Variants in FSTL4 observed in about 807,000 individuals in gnomAD.
FSTL4 encodes follistatin like 4, also known as follistatin-related protein 4.
A neutral mutation model predicts 78.2 loss-of-function variants in FSTL4; 28 were observed. The ratio of observed to expected loss-of-function variants is 0.36; its 90% CI spans 0.27 to 0.49. The LOEUF is 0.49. Among genes scored for constraint, FSTL4 ranks in the 20% least tolerant of loss-of-function variants. FSTL4 has a pLI of 0.98. For missense variants in FSTL4, 922 were observed against 1,084.9 expected (o/e 0.85, Z 2.11); for synonymous variants, 422 against 440.5 (o/e 0.96, Z 0.53).
At chr5:133,428,414 C>T (rs1756871689) in intron 3 of FSTL4, among the ~76,000 whole-genome samples, 1 of 152,166 alleles carries the variant, frequency 6.6e-6, no homozygotes, top group African/African-American at 2.4e-5. Flanking sequence ...GTAGGGGCTG[C>T]CCAGGGCCTT....
intron 6 of FSTL4, among the ~76,000 whole-genome samples, chr5:133,273,534 T>C (rs920810977): frequency 2.4e-4 from 36 of 152,278 alleles, no homozygotes; most frequent in African/African-American, 8.4e-4. Context: ...CAGGGTTACC[T>C]GGGGGATCTT....
At chr5:133,202,946 G>A (rs1045358893) in intron 14 of FSTL4, among the ~76,000 whole-genome samples, 2 of 152,238 alleles carry the variant, frequency 1.3e-5, no homozygotes, top group Non-Finnish European at 2.9e-5. Flanking sequence ...GGTGTGTGAA[G>A]TCAGATAGGA....
At chr5:133,677,545 G>A in the FSTL4 span, among the ~76,000 whole-genome samples, 1 of 152,354 alleles carries the variant, frequency 6.6e-6, no homozygotes, top group African/African-American at 2.4e-5. Flanking sequence ...CGGAAGGATA[G>A]TAAAAATGTA....
chr5:133,503,454 G>A (rs191938678), intron 3 of FSTL4, among the ~76,000 whole-genome samples: 64 of 152,164 alleles, frequency 4.2e-4, no homozygotes, highest in African/African-American at 1.5e-3. Context: ...GCACACCACC[G>A]GGATCATAAA....
chr5:133,429,747 A>G (rs941719436), intron 3 of FSTL4, among the ~76,000 whole-genome samples: 2 of 152,144 alleles, frequency 1.3e-5, no homozygotes, highest in African/African-American at 4.8e-5. Context: ...GAGCACGGTA[A>G]GTTTAGGAAT....
chr5:133,399,207 G>A (rs193287311), intron 4 of FSTL4, among the ~76,000 whole-genome samples: 109 of 152,272 alleles, frequency 7.2e-4, no homozygotes, highest in African/African-American at 2.0e-3. Flanking sequence ...AATTCAACAC[G>A]GCCAATAAAG....
chr5:133,307,894 C>T (rs568574077), intron 6 of FSTL4, among the ~76,000 whole-genome samples: 2 of 152,010 alleles, frequency 1.3e-5, no homozygotes, highest in South Asian at 2.1e-4. Flanking sequence ...CATTCTCCTG[C>T]CTCAGCCTCC....
chr5:133,724,618 T>C, the FSTL4 span, among the ~76,000 whole-genome samples: 1 of 152,228 alleles, frequency 6.6e-6, no homozygotes, highest in African/African-American at 2.4e-5. Context: ...ACATTCTAAA[T>C]ACAAAATCTT....
At chr5:133,762,944 G>C in the FSTL4 span, among the ~76,000 whole-genome samples, 1 of 152,180 alleles carries the variant, frequency 6.6e-6, no homozygotes, top group African/African-American at 2.4e-5. Flanking sequence ...GGCACCCATG[G>C]TGTCCATTTC....
chr5:133,729,927 C>A, the FSTL4 span, among the ~76,000 whole-genome samples: 1 of 152,090 alleles, frequency 6.6e-6, no homozygotes, highest in Non-Finnish European at 1.5e-5. Flanking sequence ...CCTGAGGACA[C>A]CTGACACTCT....
At chr5:133,209,123 C>A (rs1451521407) in intron 14 of FSTL4, among the ~76,000 whole-genome samples, 1 of 152,136 alleles carries the variant, frequency 6.6e-6, no homozygotes, top group African/African-American at 2.4e-5. Flanking sequence ...TTCTGAGTGG[C>A]CTTTATTGTG....
At chr5:133,538,322 T>C (rs1759395454) in intron 3 of FSTL4, among the ~76,000 whole-genome samples, 1 of 152,212 alleles carries the variant, frequency 6.6e-6, no homozygotes, top group Non-Finnish European at 1.5e-5. Context: ...ATTCAAGTTA[T>C]AAATTTTTCA....
intron 3 of FSTL4, among the ~76,000 whole-genome samples, chr5:133,417,958 TAA>T (rs527415337): frequency 1.4e-4 from 7 of 51,126 alleles, no homozygotes; most frequent in African/African-American, 4.5e-4. Context: ...GACTCCATCT[TAA>T]AAAAAAAAAA....
chr5:133,271,903 G>A (rs1217632560), intron 6 of FSTL4, among the ~76,000 whole-genome samples: 8 of 152,174 alleles, frequency 5.3e-5, no homozygotes, highest in Non-Finnish European at 1.0e-4. Flanking sequence ...AGGGAGGGAG[G>A]GATGCAGGGG....
chr5:133,659,838 T>C, the FSTL4 span, among the ~76,000 whole-genome samples: 147 of 152,198 alleles, frequency 9.7e-4, no homozygotes, highest in African/African-American at 3.4e-3. Context: ...TCAATATCTA[T>C]TAATATTTTT....
chr5:133,262,795 C>T (rs186438209), intron 6 of FSTL4, among the ~76,000 whole-genome samples: 67 of 152,322 alleles, frequency 4.4e-4, no homozygotes, highest in African/African-American at 1.5e-3. Flanking sequence ...TGGCCAGATC[C>T]GTGTCACATC....
chr5:133,291,715 C>T (rs1439600692), intron 6 of FSTL4, among the ~76,000 whole-genome samples: 1 of 152,128 alleles, frequency 6.6e-6, no homozygotes, highest in Non-Finnish European at 1.5e-5. Flanking sequence ...CTAAGCCAAC[C>T]GCAGGGCAAG....
Position 133,596,253 on chromosome 5 carries a change from C to T in FSTL4, c.126+7605G>A, listed in dbSNP as rs80324853. 8.9e-3 allele frequency among the ~76,000 whole-genome samples: 1,359 copies of T among 152,280 alleles called. 11 individuals carry two copies. Among genetic ancestry groups the T allele is most frequent in the South Asian group, 0.025 (123 of 4,824 alleles). On this transcript the variant is annotated intron_variant, in intron 2 of 15. Coordinates refer to ENST00000265342, the MANE Select transcript of FSTL4 (RefSeq NM_015082.2). Reference sequence around the variant, plus strand: ...TCCTCTGAAAAAGCAGGCCATGCTTCAGGGGCCCAGGCCCCTGGCTGGGGC... The same window carrying T: ...TCCTCTGAAAAAGCAGGCCATGCTTTAGGGGCCCAGGCCCCTGGCTGGGGC...
chr5:133,316,916 C>T (rs1319915609), intron 4 of FSTL4, among the ~76,000 whole-genome samples: 4 of 152,176 alleles, frequency 2.6e-5, no homozygotes, highest in Non-Finnish European at 5.9e-5. Context: ...TTGTTGAGCA[C>T]CACTACAAGC....
Sources: gnomAD v4.1 joint callset for allele counts (sites outside exome capture counted in the v4.1 genomes callset) on GRCh38, gnomAD v4.1.1 for gene constraint, MANE v1.5 for transcripts, NCBI Gene and HGNC (gene_info 2026-07-23, HGNC 2026-07-21) for gene names.